The following ARID2 variants were observed in gnomAD, a reference collection of about 807,000 sequenced individuals.
ARID2 encodes the protein AT-rich interactive domain-containing protein 2.
In ARID2, 32 loss-of-function variants were observed where a neutral mutation model predicts 184.6. The ratio of observed to expected loss-of-function variants is 0.17; its 90% CI spans 0.13 to 0.23. The LOEUF is 0.23. Among genes scored for constraint, ARID2 ranks in the 10% least tolerant of loss-of-function variants. The pLI, the probability that ARID2 is intolerant of heterozygous loss-of-function variation, is 1.00. For missense variants in ARID2, 1,696 were observed against 2,197.6 expected (o/e 0.77, Z 4.56); for synonymous variants, 836 against 772.6 (o/e 1.08, Z -1.36).
At chr12:45,747,016 G>A (rs1420245073) in intron 3 of ARID2, among the ~76,000 whole-genome samples, 4 of 152,274 alleles carry the variant, frequency 2.6e-5, no homozygotes, top group South Asian at 2.1e-4. Context: ...TGATCCGCCC[G>A]CCTCAGCCTC....
chr12:45,825,066 T>C (rs569533768), intron 6 of ARID2, among the ~76,000 whole-genome samples: 21 of 151,958 alleles, frequency 1.4e-4, no homozygotes, highest in African/African-American at 5.1e-4. Context: ...GTAGAGTAGA[T>C]TGGTGGTTAC....
At chr12:45,837,785 T>G in intron 10 of ARID2, 78 bp downstream of exon 10, 1 of 1,328,890 alleles carries the variant, frequency 7.5e-7, no homozygotes, top group Non-Finnish European at 1.0e-6. Context: ...AACCCTCAAT[T>G]TATATTTGAG....
chr12:45,904,428 C>T (rs1441796279), intron 20 of ARID2: 2 of 690,980 alleles, frequency 2.9e-6, no homozygotes, highest in South Asian at 1.6e-5. Flanking sequence ...CGCGGTGGCT[C>T]ACGCCTGTAA....
chr12:45,818,038 TG>T (rs996143476), intron 5 of ARID2, 150 bp downstream of exon 5: 7 of 588,772 alleles, frequency 1.2e-5, no homozygotes, highest in Non-Finnish European at 1.9e-5. Flanking sequence ...AATGAATGTT[TG>T]GGGGGTTTTA....
At chr12:45,843,704 A>G (rs921328351) in intron 11 of ARID2, among the ~76,000 whole-genome samples, 3 of 152,142 alleles carry the variant, frequency 2.0e-5, no homozygotes, top group Non-Finnish European at 4.4e-5. Flanking sequence ...AGACCGTTAC[A>G]ATGTATTTGA....
chr12:45,805,183 TG>T (rs1228101214), intron 3 of ARID2, among the ~76,000 whole-genome samples: 1 of 152,102 alleles, frequency 6.6e-6, no homozygotes, highest in Non-Finnish European at 1.5e-5. Context: ...TCCTTTTTTC[TG>T]TATATTTATA....
chr12:45,753,665 C>T (rs148192742), intron 3 of ARID2, among the ~76,000 whole-genome samples: 149 of 152,166 alleles, frequency 9.8e-4, no homozygotes, highest in African/African-American at 2.9e-3. Context: ...TGCAATAGTG[C>T]GATTGCGTCT....
chr12:45,758,534 G>A (rs73095481), intron 3 of ARID2, among the ~76,000 whole-genome samples: 16 of 152,240 alleles, frequency 1.1e-4, no homozygotes, highest in Non-Finnish European at 2.1e-4. Flanking sequence ...CCAAATGTTA[G>A]GCTACAGGTT....
At position 45,870,716 on chromosome 12, in the gene ARID2, C is replaced by T. The variant is rs1490463565; in HGVS notation, c.4922+9767C>T. 2.0e-5 allele frequency among the ~76,000 whole-genome samples: 3 copies of T among 152,266 alleles called. No individual in the cohort carries two copies. The East Asian group carries it at 5.8e-4, about 29-fold the overall frequency. ...TATAGTTGGAATTATTCAGCAGTATCCTTTTTAATCTGGTTTCTTTCACTT... is the reference window on the plus strand; with the variant it reads ...TATAGTTGGAATTATTCAGCAGTATTCTTTTTAATCTGGTTTCTTTCACTT... On this transcript the variant is annotated intron_variant, in intron 16 of 20. Transcript: ENST00000334344.
chr12:45,808,310 G>A lies in ARID2; in HGVS notation c.285-3108G>A, dbSNP rs916082671. 9.2e-5 allele frequency among the ~76,000 whole-genome samples: 14 copies of A among 152,174 alleles called. 1 individual carries two copies. The highest frequency in any genetic ancestry group is 3.4e-4 in the African/African-American group (14 of 41,434). ...CTGAAAAACCAAACAAACTGACCTT[G>A]TGCTTATTTATTGAGAGGGTGCCAA... On this transcript the variant is annotated intron_variant, in intron 3 of 20. Coordinates refer to ENST00000334344, the MANE Select transcript of ARID2 (RefSeq NM_152641.4).
At chr12:45,884,303 G>A (rs1193686202) in intron 16 of ARID2, among the ~76,000 whole-genome samples, 1 of 152,122 alleles carries the variant, frequency 6.6e-6, no homozygotes, top group Non-Finnish European at 1.5e-5. Context: ...GGCTGAGGCA[G>A]GAGAATCACT....
intron 3 of ARID2, among the ~76,000 whole-genome samples, chr12:45,732,812 A>G (rs561626558): frequency 1.1e-3 from 161 of 152,332 alleles, no homozygotes; most frequent in South Asian, 4.8e-3. Context: ...TAGAATATAC[A>G]TGATTCATGA....
chr12:45,904,001 A>G (rs1446102969), intron 20 of ARID2, among the ~76,000 whole-genome samples: 1 of 151,930 alleles, frequency 6.6e-6, no homozygotes, highest in East Asian at 1.9e-4. Context: ...TATCCATCCC[A>G]CAGTTCTGGG....
intron 3 of ARID2, among the ~76,000 whole-genome samples, chr12:45,765,453 C>T (rs1285563662): frequency 6.6e-6 from 1 of 151,626 alleles, no homozygotes; most frequent in African/African-American, 2.4e-5. Context: ...TCAAGTGATC[C>T]TCCTGCCTTA....
At chr12:45,745,687 A>G (rs1941341821) in intron 3 of ARID2, among the ~76,000 whole-genome samples, 1 of 152,148 alleles carries the variant, frequency 6.6e-6, no homozygotes, top group East Asian at 1.9e-4. Flanking sequence ...AGGTGGGACT[A>G]CAGGCACACA....
At chr12:45,903,429 A>G (rs749059757) in intron 20 of ARID2, among the ~76,000 whole-genome samples, 3 of 152,222 alleles carry the variant, frequency 2.0e-5, no homozygotes, top group Admixed American at 6.5e-5. Context: ...GATTTTATCA[A>G]TTGACACTCT....
rs1943545857 is a variant in ARID2, at chr12:45,851,348, T to G, written c.3225T>G (p.Gly1075=). The change falls in exon 15 of 21, where the codon GGT becomes GGG. Residue 1075 remains glycine, a synonymous_variant. Transcript: ENST00000334344. ...AACGTGGTCCTTCAACACCAGGTGG[T>G]AAGCTTATTCTCCCAGCTCCACAGA... ...LPKRGPSTPG[G]KLILPAPQIP... is the part of the protein sequence containing the mutation. The G allele has an allele frequency of 6.2e-7, 1 of 1,614,070 alleles. No individual in the cohort carries two copies. The highest frequency in any genetic ancestry group is 8.5e-7 in the Non-Finnish European group (1 of 1,179,986).
chr12:45,745,716 T>A (rs1476911398), intron 3 of ARID2, among the ~76,000 whole-genome samples: 1 of 152,048 alleles, frequency 6.6e-6, no homozygotes, highest in Non-Finnish European at 1.5e-5. Flanking sequence ...CCTGGCTAAT[T>A]TTTTTGTACG....
At chr12:45,875,532 CT>C (rs1232152277) in intron 16 of ARID2, among the ~76,000 whole-genome samples, 4 of 152,224 alleles carry the variant, frequency 2.6e-5, no homozygotes, top group Admixed American at 2.0e-4. Flanking sequence ...CAGGTATTGA[CT>C]TTTCCTCTCT....
Sources: gnomAD v4.1 joint callset for allele counts (sites outside exome capture counted in the v4.1 genomes callset) on GRCh38, gnomAD v4.1.1 for gene constraint, MANE v1.5 for transcripts, NCBI Gene and HGNC (gene_info 2026-07-23, HGNC 2026-07-21) for gene names.